Variants in NDST2 observed in about 807,000 individuals in gnomAD.
NDST2 encodes the protein bifunctional heparan sulfate N-deacetylase/N-sulfotransferase 2.
A neutral mutation model predicts 86.9 loss-of-function variants in NDST2; 32 were observed. The ratio of observed to expected loss-of-function variants is 0.37; its 90% CI spans 0.28 to 0.49. The LOEUF (loss-of-function observed/expected upper bound fraction) is 0.49, where lower values mean the gene tolerates loss of function less well. Among genes scored for constraint, NDST2 ranks in the 20% least tolerant of loss-of-function variants. NDST2 has a pLI of 0.97. For missense variants in NDST2, 950 were observed against 1,146.9 expected, an observed-to-expected ratio of 0.83 and a Z score of 2.48; for synonymous variants, 409 against 437.0, an observed-to-expected ratio of 0.94 and a Z score of 0.80.
At position 73,803,918 on chromosome 10, in the gene NDST2, G is replaced by A; in HGVS notation, c.1942C>T (p.Pro648Ser). The A allele has an allele frequency of 6.2e-7, 1 of 1,614,114 alleles. No individual in the cohort carries two copies. Among genetic ancestry groups the A allele is most frequent in the Non-Finnish European group, 8.5e-7 (1 of 1,180,018 alleles). ...TFEEIQFFNSPNYHKGIDWYM... is the reference protein window; with the variant it reads ...TFEEIQFFNSSNYHKGIDWYM... ...CAGTCAATACCCTTGTGGTAATTAG[G>A]GCTGTTGAAGAACTGAATCTCCTCA... The change falls in exon 10 of 15, where the codon CCT (proline) becomes TCT (serine). Residue 648 changes from proline to serine, a missense_variant. This residue lies in a region of NDST2 where 303 missense variants were observed against 323.7 expected (regional missense o/e 0.94). Transcript: ENST00000309979.
In NDST2 at chr10:73,803,688, A is replaced by C. The variant is rs768087247; in HGVS notation, c.2028T>G (p.Ser676Arg). Residue 676 changes from serine (S) to arginine (R), a missense_variant, in exon 11 of 15, where the codon AGT (serine) becomes AGG (arginine). Ser to Arg is a moderately radical substitution (Grantham distance 110). Coordinates refer to ENST00000309979, the MANE Select transcript of NDST2 (RefSeq NM_003635.4). ...NASTDFLFEKSATYFDSEVVP... is the reference protein window; with the variant it reads ...NASTDFLFEKRATYFDSEVVP... ...CAACTTCAGAGTCAAAGTAGGTGGC[A>C]CTTTTTTCAAATAGGAAATCAGTGC... 6.2e-7 allele frequency: 1 copy of C among 1,614,156 alleles called. No individual in the cohort carries two copies. Among genetic ancestry groups the C allele is most frequent in the South Asian group, 1.1e-5 (1 of 91,072 alleles).
chr10:73,802,789 A>T lies in NDST2; in HGVS notation c.2424-13T>A, dbSNP rs2084016067. ...ATCATCATCAAACCTGCTCAACAGG[A>T]AGAGGCCATGAGGTGGCAGGGAAAA... On this transcript the variant is annotated splice_polypyrimidine_tract_variant and intron_variant, in intron 13 of 14. Transcript: ENST00000309979. 1 of 1,611,952 alleles carries T rather than the reference A, an allele frequency of 6.2e-7. No homozygotes were observed. Among genetic ancestry groups the T allele is most frequent in the Non-Finnish European group, 8.5e-7 (1 of 1,178,142 alleles).
chr10:73,802,288 C>A lies in NDST2; in HGVS notation c.*163G>T. On this transcript the variant is annotated 3_prime_UTR_variant, in exon 15 of 15. Coordinates refer to ENST00000309979, the MANE Select transcript of NDST2 (RefSeq NM_003635.4). Reference sequence around the variant, plus strand: ...GGAAGCCCCTTTATTTGTCCCAGAACTGTGGGAAAAGGATACCCTTCCCTT... The same window carrying A: ...GGAAGCCCCTTTATTTGTCCCAGAAATGTGGGAAAAGGATACCCTTCCCTT... 1.4e-6 allele frequency: 1 copy of A among 709,934 alleles called. No homozygotes were observed. The highest frequency in any genetic ancestry group is 1.9e-5 in the South Asian group (1 of 53,326). The allele number at this position is 709,934 out of a possible 1,614,324, so 44.0% of individuals were successfully genotyped here. A position where few individuals can be genotyped will look rare whatever the true frequency, so the allele number is the denominator to read the frequency against.
rs748650474 is a variant in NDST2, at chr10:73,806,123, T to C, written c.1435-95A>G. On this transcript the variant is annotated intron_variant, in intron 6 of 14. Transcript: ENST00000309979. This position sits in a 1 kb window ranked among gnomAD's most constrained non-coding sequence, Gnocchi z 4.5. ...TTATAGAGGACTGAGTCTGAAGTTA[T>C]AGCAATAAAGCTCTTACTGAGGGTG... The C allele has an allele frequency of 2.3e-4, 359 of 1,547,854 alleles. 1 individual carries two copies. The highest frequency in any genetic ancestry group is 2.8e-4 in the Non-Finnish European group (317 of 1,133,500).
In NDST2 at chr10:73,802,355, AG is replaced by A. The variant is rs2083999650; in HGVS notation, c.*95del. On this transcript the variant is annotated 3_prime_UTR_variant, in exon 15 of 15. Coordinates refer to ENST00000309979, the MANE Select transcript of NDST2 (RefSeq NM_003635.4). ...CTGGGGGCTACTGAGGTAGAGGGGG[AG>A]GGGCCAGGCCACTCTAATCCCCCTT... The A allele has an allele frequency of 7.2e-7, 1 of 1,397,038 alleles. No homozygotes were observed. The highest frequency in any genetic ancestry group is 1.4e-5 in the African/African-American group (1 of 70,208). 86.5% of individuals were successfully genotyped at this position (1,397,038 alleles called of 1,614,324 possible).
chr10:73,806,011 T>G lies in NDST2; in HGVS notation c.1452A>C (p.Thr484=). 6.2e-7 allele frequency: 1 copy of G among 1,613,914 alleles called. No individual in the cohort carries two copies. Among genetic ancestry groups the G allele is most frequent in the Non-Finnish European group, 8.5e-7 (1 of 1,179,944 alleles). ...AGATTGTGTGAGTGAAGAGGCCACA[T>G]GTCTGCCGGGGCAGCACCTGGAGGG... ...HNGIMVLPRQ[T]CGLFTHTIFY... is the part of the protein sequence containing the mutation. The change falls in exon 7 of 15, where the codon ACA becomes ACC. Residue 484 remains threonine (T), a synonymous_variant. Coordinates refer to ENST00000309979, the MANE Select transcript of NDST2 (RefSeq NM_003635.4). This position sits in a 1 kb window ranked among gnomAD's most constrained non-coding sequence, Gnocchi z 4.5.
In NDST2 at chr10:73,807,823, A is replaced by C; in HGVS notation, c.566T>G (p.Leu189Arg). ...GAGCCCCAAGTTTGAGTGTAAAAAA[A>C]GGGGAAAGCCCTTGAGCTGGGCGCT... ...LLSAQLKGFPLFLHSNLGLRD... is the reference protein window; with the variant it reads ...LLSAQLKGFPRFLHSNLGLRD... Residue 189 changes from leucine to arginine, a missense_variant, in exon 3 of 15, where the codon CTT becomes CGT. By Grantham distance (102) the Leu-to-Arg change is moderately radical. Coordinates refer to ENST00000309979, the MANE Select transcript of NDST2 (RefSeq NM_003635.4). 1 of 1,614,156 alleles carries C rather than the reference A, an allele frequency of 6.2e-7. No individual in the cohort carries two copies. The highest frequency in any genetic ancestry group is 8.5e-7 in the Non-Finnish European group (1 of 1,180,016).
In NDST2 at chr10:73,802,132, T is replaced by C; in HGVS notation, c.*319A>G. 1 of 443,378 alleles carries C rather than the reference T, an allele frequency of 2.3e-6. No homozygotes were observed. The highest frequency in any genetic ancestry group is 4.1e-6 in the Non-Finnish European group (1 of 243,150). 27.5% of individuals were successfully genotyped at this position (443,378 alleles called of 1,614,324 possible). ...ATAGCCAGGTATAGAATAGATACAC[T>C]GCTGCGGATGAAGAGGGAAATCTCA... On this transcript the variant is annotated 3_prime_UTR_variant, in exon 15 of 15. Coordinates refer to ENST00000309979, the MANE Select transcript of NDST2 (RefSeq NM_003635.4).
At position 73,802,580 on chromosome 10, in the gene NDST2, A is replaced by T. The variant is rs1425738960; in HGVS notation, c.2527-4T>A. 6.2e-7 allele frequency: 1 copy of T among 1,614,178 alleles called. No homozygotes were observed. Among genetic ancestry groups the T allele is most frequent in the African/African-American group, 1.3e-5 (1 of 75,070 alleles). On this transcript the variant is annotated splice_polypyrimidine_tract_variant and splice_region_variant and intron_variant, in intron 14 of 14. Transcript: ENST00000309979. ...AATCCGTAAGGAAAAGACGGGACTGACAGGAGAAAATGAAGGCAGAAATGG... is the reference window on the plus strand; with the variant it reads ...AATCCGTAAGGAAAAGACGGGACTGTCAGGAGAAAATGAAGGCAGAAATGG...
chr10:73,803,517 T>TGGGGGGGGGGGGCGGG, intron 11 of NDST2, 57 bp downstream of exon 11: 1 of 1,189,306 alleles, frequency 8.4e-7, no homozygotes, highest in Non-Finnish European at 1.2e-6. Context: ...TAGCAGTCAC[T>TGGGGGGGGGGGGCGGG]GTCCCCTCCC....
At position 73,802,664 on chromosome 10, in the gene NDST2, C is replaced by G. The variant is rs752600012; in HGVS notation, c.2526+10G>C. ...TGGAGAGGGATTCCCCTGCCCCTGG[C>G]TTTACTTACCTCAGTGTCCATATCT... On this transcript the variant is annotated intron_variant, in intron 14 of 14. Coordinates refer to ENST00000309979, the MANE Select transcript of NDST2 (RefSeq NM_003635.4). 4.3e-6 allele frequency: 7 copies of G among 1,614,144 alleles called. No individual in the cohort carries two copies.
At position 73,809,892 on chromosome 10, in the gene NDST2, C is replaced by T. The variant is rs151330162; in HGVS notation, c.-342+907G>A. Among the ~76,000 whole-genome samples the T allele has an allele frequency of 3.3e-5, 5 of 152,254 alleles. No individual in the cohort carries two copies. The South Asian group carries it at 1.0e-3, about 32-fold the overall frequency. On this transcript the variant is annotated intron_variant, in intron 2 of 14. Coordinates refer to ENST00000309979, the MANE Select transcript of NDST2 (RefSeq NM_003635.4). ...GGACTACAGCTTTGCACCACCACACCCTACTAATTTTTAATTTTTTTTAGA... is the reference window on the plus strand; with the variant it reads ...GGACTACAGCTTTGCACCACCACACTCTACTAATTTTTAATTTTTTTTAGA...
chr10:73,804,214 C>G, intron 9 of NDST2, 198 bp from the exon 10 acceptor site: 1 of 571,114 alleles, frequency 1.8e-6, no homozygotes, highest in South Asian at 2.1e-5. Context: ...TAACTGTGCA[C>G]CAGAATGACT....
rs373609868 is a variant in NDST2, at chr10:73,806,497, C to T, written c.1249-23G>A. The T allele has an allele frequency of 1.9e-6, 3 of 1,567,434 alleles. No individual in the cohort carries two copies. The highest frequency in any genetic ancestry group is 1.8e-5 in the Admixed American group (1 of 55,284). On this transcript the variant is annotated intron_variant, in intron 5 of 14. Transcript: ENST00000309979. The surrounding 1 kb of genome is among the most constrained non-coding windows in gnomAD (Gnocchi z 4.5). Reference sequence around the variant, plus strand: ...CTCCTGGGAATGGCATAGACTCTCACCAGGACCTGGTGAGGTTTGGGGAGT... The same window carrying T: ...CTCCTGGGAATGGCATAGACTCTCATCAGGACCTGGTGAGGTTTGGGGAGT...
intron 8 of NDST2, 102 bp downstream of exon 8, chr10:73,805,485 G>A (rs1210963138): frequency 1.7e-6 from 2 of 1,173,312 alleles, no homozygotes; most frequent in African/African-American, 3.1e-5. Context: ...TTGTACTCTA[G>A]CCTGGGTGAC....
At chr10:73,807,289 A>G in intron 3 of NDST2, 94 bp from the exon 4 acceptor site, 8 of 1,566,398 alleles carry the variant, frequency 5.1e-6, no homozygotes, top group Non-Finnish European at 7.0e-6. Context: ...AAAGGCAGGG[A>G]GTGTACCTAT....
At chr10:73,805,872 C>G (rs1219145770) in intron 7 of NDST2, 28 bp downstream of exon 7, 15 of 1,613,942 alleles carry the variant, frequency 9.3e-6, no homozygotes, top group Non-Finnish European at 1.3e-5. Context: ...GCTCTCCAAT[C>G]TTCTAGCCGT....
In NDST2 at chr10:73,808,747, C is replaced by T. The variant is rs2084150792; in HGVS notation, c.-341-18G>A. On this transcript the variant is annotated intron_variant, in intron 2 of 14. Coordinates refer to ENST00000309979, the MANE Select transcript of NDST2 (RefSeq NM_003635.4). This position sits in a 1 kb window ranked among gnomAD's most constrained non-coding sequence, Gnocchi z 4.3. ...CCCTCTACCTGTAAGACAGAGAAATCAGTGGGTTACTCCTCCCTCTGAAAT... is the reference window on the plus strand; with the variant it reads ...CCCTCTACCTGTAAGACAGAGAAATTAGTGGGTTACTCCTCCCTCTGAAAT... 1 of 211,880 alleles carries T rather than the reference C, an allele frequency of 4.7e-6. No individual in the cohort carries two copies. Among genetic ancestry groups the T allele is most frequent in the South Asian group, 1.2e-4 (1 of 8,418 alleles). 13.1% of individuals were successfully genotyped at this position (211,880 alleles called of 1,614,324 possible).
At position 73,802,744 on chromosome 10, in the gene NDST2, C is replaced by A; in HGVS notation, c.2456G>T (p.Gly819Val). 1.2e-6 allele frequency: 2 copies of A among 1,614,184 alleles called. No individual in the cohort carries two copies. The highest frequency in any genetic ancestry group is 1.7e-6 in the Non-Finnish European group (2 of 1,180,040). ...ACAGCGAGTCTTACCACCTTCAAGT[C>A]CCTGGCACCAAAATCCCTTATCATC... ...FDDDKGFWCQ[G>V]LEGGKTRCLG... The change falls in exon 14 of 15, where the codon GGA (glycine) becomes GTA (valine). Residue 819 changes from glycine to valine, a missense_variant. Transcript: ENST00000309979.
Sources: gnomAD v4.1 joint callset for allele counts (sites outside exome capture counted in the v4.1 genomes callset) on GRCh38, gnomAD v4.1.1 for gene constraint, gnomAD v4.1.1 regional missense constraint, Gnocchi (gnomAD v3.1) non-coding constraint, MANE v1.5 for transcripts, NCBI Gene and HGNC (gene_info 2026-07-23, HGNC 2026-07-21) for gene names.